The following GRM8 variants were observed in gnomAD, a reference collection of about 807,000 sequenced individuals.
GRM8 encodes the protein glutamate metabotropic receptor 8, also known as metabotropic glutamate receptor 8.
Under a neutral mutation model 87.2 loss-of-function variants are expected in GRM8, and 47 were observed. The ratio of observed to expected loss-of-function variants is 0.54; its 90% confidence interval spans 0.43 to 0.69. GRM8 has a LOEUF of 0.69. Among genes scored for constraint, GRM8 ranks in the 30% least tolerant of loss-of-function variants. The pLI, the probability that GRM8 is intolerant of heterozygous loss-of-function variation, is 0.00. For missense variants in GRM8, 1,019 were observed against 1,139.2 expected (o/e 0.89, Z 1.52); for synonymous variants, 396 against 404.5 (o/e 0.98, Z 0.25).
chr7:126,628,840 C>T (rs1430936532), intron 7 of GRM8, among the ~76,000 whole-genome samples: 1 of 151,454 alleles, frequency 6.6e-6, no homozygotes, highest in African/African-American at 2.4e-5. Context: ...ATGAAAGTCA[C>T]TTTGCATGGA....
intron 7 of GRM8, among the ~76,000 whole-genome samples, chr7:126,751,731 C>T (rs1267996296): frequency 1.3e-5 from 2 of 152,162 alleles, no homozygotes; most frequent in African/African-American, 4.8e-5. Flanking sequence ...GGGAGGGCTC[C>T]TTGCCCCTAT....
chr7:127,057,086 T>C (rs1820071792), intron 3 of GRM8, among the ~76,000 whole-genome samples: 1 of 152,212 alleles, frequency 6.6e-6, no homozygotes, highest in South Asian at 2.1e-4. Context: ...CACCCTAATG[T>C]GGATTGTAAA....
chr7:127,023,531 G>A (rs545425174), intron 3 of GRM8, among the ~76,000 whole-genome samples: 1 of 152,160 alleles, frequency 6.6e-6, no homozygotes, highest in South Asian at 2.1e-4. Flanking sequence ...TATTTAAGGA[G>A]AAAATTTGTC....
intron 2 of GRM8, among the ~76,000 whole-genome samples, chr7:127,241,435 TTC>T (rs1347891004): frequency 7.1e-6 from 1 of 141,212 alleles, no homozygotes. Flanking sequence ...CCTTTTTTTT[TTC>T]TTTTTTTTTT....
chr7:127,138,643 G>A (rs1828081711), intron 2 of GRM8, among the ~76,000 whole-genome samples: 1 of 151,988 alleles, frequency 6.6e-6, no homozygotes, highest in Admixed American at 6.6e-5. Flanking sequence ...TTGTCTCCTG[G>A]AATTTGACCT....
chr7:126,661,557 C>G (rs1422797880), intron 7 of GRM8, among the ~76,000 whole-genome samples: 1 of 152,118 alleles, frequency 6.6e-6, no homozygotes, highest in Non-Finnish European at 1.5e-5. Context: ...CATGAATAGC[C>G]CCGGCTTCAT....
At chr7:126,810,809 G>A (rs528271133) in intron 6 of GRM8, among the ~76,000 whole-genome samples, 1 of 152,196 alleles carries the variant, frequency 6.6e-6, no homozygotes, top group East Asian at 1.9e-4. Context: ...ATGATTTGTT[G>A]GCGGATGTCT....
At chr7:127,127,318 T>C (rs1340663752) in intron 2 of GRM8, among the ~76,000 whole-genome samples, 1 of 152,036 alleles carries the variant, frequency 6.6e-6, no homozygotes, top group Non-Finnish European at 1.5e-5. Flanking sequence ...CATATGTTCA[T>C]ACAAAGACTT....
At chr7:126,691,432 G>A (rs10253111) in intron 7 of GRM8, among the ~76,000 whole-genome samples, 3,124 of 152,262 alleles carry the variant, frequency 0.021, 108 homozygotes, top group African/African-American at 0.072. Context: ...AGATGCCTGA[G>A]TCCGCAGCCG....
intron 2 of GRM8, among the ~76,000 whole-genome samples, chr7:127,118,017 T>C (rs1015482021): frequency 6.6e-6 from 1 of 152,246 alleles, no homozygotes; most frequent in Non-Finnish European, 1.5e-5. Context: ...GGCAATTTCA[T>C]GGATTTTTAG....
intron 3 of GRM8, among the ~76,000 whole-genome samples, chr7:126,961,931 C>T (rs1447836942): frequency 1.3e-5 from 2 of 152,158 alleles, no homozygotes; most frequent in Non-Finnish European, 2.9e-5. Context: ...GACTTGATCC[C>T]TCCAATGGCT....
chr7:126,508,218 G>A (rs562188184), intron 9 of GRM8, among the ~76,000 whole-genome samples: 130 of 150,348 alleles, frequency 8.6e-4, no homozygotes, highest in Middle Eastern at 6.8e-3. Context: ...GAATACCACA[G>A]ACTGGGTAAT....
intron 6 of GRM8, among the ~76,000 whole-genome samples, chr7:126,823,624 A>G (rs1285274983): frequency 1.3e-5 from 2 of 152,270 alleles, no homozygotes; most frequent in African/African-American, 4.8e-5. Flanking sequence ...TAGCCAATAC[A>G]TCCAAAATAT....
chr7:126,686,172 G>T (rs1411934573), intron 7 of GRM8, among the ~76,000 whole-genome samples: 1 of 151,814 alleles, frequency 6.6e-6, no homozygotes, highest in African/African-American at 2.4e-5. Context: ...CACTCACTGG[G>T]ATGCCCTGGC....
intron 8 of GRM8, among the ~76,000 whole-genome samples, chr7:126,583,909 C>G (rs1171564034): frequency 1.3e-5 from 2 of 152,156 alleles, no homozygotes; most frequent in African/African-American, 4.8e-5. Context: ...GTAAGTTCTA[C>G]AGTAGGTAAA....
intron 2 of GRM8, among the ~76,000 whole-genome samples, chr7:127,136,922 T>G (rs1827974168): frequency 6.6e-6 from 1 of 151,998 alleles, no homozygotes; most frequent in African/African-American, 2.4e-5. Flanking sequence ...TAAAAGACTT[T>G]CAATCTAAGG....
At chr7:126,762,354 A>G (rs1194785071) in intron 7 of GRM8, among the ~76,000 whole-genome samples, 1 of 152,090 alleles carries the variant, frequency 6.6e-6, no homozygotes, top group Non-Finnish European at 1.5e-5. Context: ...CATTTAAAAG[A>G]TGAAGTTGAG....
At chr7:126,950,528 A>T (rs184013269) in intron 3 of GRM8, among the ~76,000 whole-genome samples, 258 of 152,260 alleles carry the variant, frequency 1.7e-3, no homozygotes, top group African/African-American at 6.0e-3. Flanking sequence ...TGAAATAAAG[A>T]CAGCTATTTT....
At chr7:126,840,178 A>C (rs1451019051) in intron 6 of GRM8, among the ~76,000 whole-genome samples, 1 of 152,222 alleles carries the variant, frequency 6.6e-6, no homozygotes, top group East Asian at 1.9e-4. Flanking sequence ...TCTTGAAAAC[A>C]GTTTCCCTTA....
Sources: allele counts gnomAD v4.1 joint callset (sites outside exome capture counted in the v4.1 genomes callset), GRCh38; gene constraint gnomAD v4.1.1; transcripts MANE v1.5; gene names NCBI Gene and HGNC (gene_info 2026-07-23, HGNC 2026-07-21).